CACNA1C: variants seen among roughly 807,000 people sequenced by gnomAD.
CACNA1C encodes the protein calcium voltage-gated channel subunit alpha1 C.
Under a neutral mutation model 229.0 loss-of-function variants are expected in CACNA1C, and 30 were observed. That is an observed-to-expected ratio of 0.13 (90% CI 0.10 to 0.18). The LOEUF (loss-of-function observed/expected upper bound fraction) is 0.18, where lower values mean the gene tolerates loss of function less well. Among genes scored for constraint, CACNA1C ranks in the 10% least tolerant of loss-of-function variants. CACNA1C has a pLI of 1.00. For synonymous variants in CACNA1C, 1,114 were observed against 1,132.5 expected (o/e 0.98, Z 0.33); for missense variants, 1,658 against 2,845.0 (o/e 0.58, Z 9.49).
chr12:2,606,520 C>T, intron 24 of CACNA1C, 91 bp from the exon 25 acceptor site: 2 of 1,038,306 alleles, frequency 1.9e-6, no homozygotes, highest in South Asian at 1.4e-5. Flanking sequence ...GTCCCTAGCA[C>T]AGTGCTGGGC....
intron 3 of CACNA1C, among the ~76,000 whole-genome samples, chr12:2,214,854 A>G (rs2059582137): frequency 6.6e-6 from 1 of 151,284 alleles, no homozygotes; most frequent in Non-Finnish European, 1.5e-5. Context: ...CATCCCTTCT[A>G]GTCTATGCTT....
intron 3 of CACNA1C, among the ~76,000 whole-genome samples, chr12:2,387,881 G>A (rs1381468703): frequency 6.6e-6 from 1 of 152,182 alleles, no homozygotes; most frequent in Non-Finnish European, 1.5e-5. Context: ...TATCCTAGGA[G>A]CAGTGAAACC....
At chr12:2,142,977 T>A (rs948693684) in intron 3 of CACNA1C, among the ~76,000 whole-genome samples, 1 of 145,630 alleles carries the variant, frequency 6.9e-6, no homozygotes, top group African/African-American at 2.7e-5. Flanking sequence ...ATCTTTAAAT[T>A]TTTTTTTTTG....
At chr12:2,508,733 C>T (rs1012790809) in intron 8 of CACNA1C, among the ~76,000 whole-genome samples, 3 of 152,304 alleles carry the variant, frequency 2.0e-5, no homozygotes, top group South Asian at 2.1e-4. Context: ...CTATCTGGAT[C>T]ATGCACACAT....
intron 3 of CACNA1C, among the ~76,000 whole-genome samples, chr12:2,291,162 C>G (rs780426557): frequency 2.6e-5 from 4 of 152,168 alleles, no homozygotes; most frequent in Non-Finnish European, 5.9e-5. Flanking sequence ...TGTCTGGCAC[C>G]TGGGAGGTAC....
At chr12:2,412,248 C>T (rs982812076) in intron 3 of CACNA1C, among the ~76,000 whole-genome samples, 3 of 152,214 alleles carry the variant, frequency 2.0e-5, no homozygotes, top group East Asian at 1.9e-4. Context: ...CTGGCAAGGC[C>T]GTCCTTCCAC....
At chr12:1,986,331 C>A (rs2037770765) in intron 1 of CACNA1C, among the ~76,000 whole-genome samples, 1 of 152,224 alleles carries the variant, frequency 6.6e-6, no homozygotes, top group Non-Finnish European at 1.5e-5. Flanking sequence ...ATTGCTCCCA[C>A]TCGCCAGCTG....
intron 26 of CACNA1C, 56 bp downstream of exon 26, chr12:2,607,186 T>G: frequency 6.5e-7 from 1 of 1,541,058 alleles, no homozygotes; most frequent in Non-Finnish European, 8.8e-7. Context: ...CAGTACTGAC[T>G]TTCCAGCCCA....
At position 2,665,120 on chromosome 12, in the gene CACNA1C, G is replaced by A. The variant is rs1603426864; in HGVS notation, c.4398+130G>A. 8.8e-6 allele frequency: 8 copies of A among 907,296 alleles called. No homozygotes were observed. In the East Asian group the frequency reaches 2.1e-4, roughly 23 times the overall value. 56.2% of individuals were successfully genotyped at this position (907,296 alleles called of 1,614,324 possible). ...GGAGCTGGCTTGGGAAGACTAAGTT[G>A]GCAGGAGTGTCCAGCCACATGGAGA... On this transcript the variant is annotated intron_variant, in intron 35 of 46. Transcript: ENST00000399655. The surrounding 1 kb of genome is among the most constrained non-coding windows in gnomAD (Gnocchi z 5.9).
Position 2,054,472 on chromosome 12 carries a change from C to T in CACNA1C, c.49+861C>T, listed in dbSNP as rs948909281. ...CTCCATACTATTGCCCAGTGTTTTC[C>T]GAGCATCTCCATCCTTGGCCGCGAG... On this transcript the variant is annotated intron_variant, in intron 1 of 46. Transcript: ENST00000399655. This position sits in a 1 kb window ranked among gnomAD's most constrained non-coding sequence, Gnocchi z 5.5. Among the ~76,000 whole-genome samples the T allele has an allele frequency of 1.3e-5, 2 of 152,142 alleles. No individual in the cohort carries two copies. Among genetic ancestry groups the T allele is most frequent in the Admixed American group, 6.5e-5 (1 of 15,288 alleles).
chr12:2,266,476 A>T (rs919901344), intron 3 of CACNA1C, among the ~76,000 whole-genome samples: 3 of 152,152 alleles, frequency 2.0e-5, no homozygotes, highest in Non-Finnish European at 4.4e-5. Context: ...GGAACCTGGG[A>T]CTTTCAAGGT....
At chr12:2,209,616 G>GTTTAAAATAA (rs2097859295) in intron 3 of CACNA1C, among the ~76,000 whole-genome samples, 1 of 152,184 alleles carries the variant, frequency 6.6e-6, no homozygotes, top group African/African-American at 2.4e-5. Flanking sequence ...AATTTAGGGA[G>GTTTAAAATAA]CTGAAGTTTA....
At chr12:2,427,062 A>C (rs1595951928) in intron 3 of CACNA1C, among the ~76,000 whole-genome samples, 1 of 152,232 alleles carries the variant, frequency 6.6e-6, no homozygotes, top group Non-Finnish European at 1.5e-5. Context: ...TCTTCCACAG[A>C]TGGGTTGGTT....
At chr12:1,998,283 G>A (rs931884416) in intron 1 of CACNA1C, among the ~76,000 whole-genome samples, 4 of 152,148 alleles carry the variant, frequency 2.6e-5, no homozygotes, top group African/African-American at 7.2e-5. Flanking sequence ...TGTGCTATGC[G>A]GATTTAATTA....
chr12:2,590,985 A>G (rs2065016105), intron 18 of CACNA1C, among the ~76,000 whole-genome samples: 1 of 152,222 alleles, frequency 6.6e-6, no homozygotes, highest in African/African-American at 2.4e-5. Flanking sequence ...TTTCTTTTAC[A>G]TACCAAGGGT....
At chr12:2,109,527 G>T (rs2080782372) in intron 1 of CACNA1C, among the ~76,000 whole-genome samples, 1 of 152,238 alleles carries the variant, frequency 6.6e-6, no homozygotes, top group Admixed American at 6.5e-5. Flanking sequence ...ACCGGGCCCA[G>T]AGGGGAGTGA....
intron 1 of CACNA1C, among the ~76,000 whole-genome samples, chr12:2,107,745 TC>T (rs775747218): frequency 3.3e-5 from 5 of 152,252 alleles, no homozygotes; most frequent in Non-Finnish European, 5.9e-5. Flanking sequence ...GGTGGTTAAT[TC>T]TTGATCAGAA....
intron 18 of CACNA1C, among the ~76,000 whole-genome samples, chr12:2,592,702 AATT>A (rs2065963575): frequency 1.3e-5 from 1 of 76,260 alleles, no homozygotes; most frequent in African/African-American, 4.6e-5. Context: ...ACAGCACATG[AATT>A]TTTTTTTTTT....
intron 5 of CACNA1C, among the ~76,000 whole-genome samples, chr12:2,472,733 A>G (rs1235062972): frequency 2.0e-5 from 3 of 152,062 alleles, no homozygotes; most frequent in Non-Finnish European, 4.4e-5. Flanking sequence ...ATCACATTTT[A>G]TATTTCTTTA....
Sources: gnomAD v4.1 joint callset for allele counts (sites outside exome capture counted in the v4.1 genomes callset) on GRCh38, gnomAD v4.1.1 for gene constraint, Gnocchi (gnomAD v3.1) non-coding constraint, MANE v1.5 for transcripts, NCBI Gene and HGNC (gene_info 2026-07-23, HGNC 2026-07-21) for gene names.